Variants in GPC5 observed in about 807,000 individuals in gnomAD.
GPC5 encodes glypican-5.
GPC5 carries 47 observed loss-of-function variants against 53.9 expected under a neutral mutation model. That is an observed-to-expected ratio of 0.87 (90% CI 0.69 to 1.11). The LOEUF (loss-of-function observed/expected upper bound fraction) is 1.11. GPC5 is among the 50% of genes most tolerant of loss of function. The pLI is 0.00. For synonymous variants in GPC5, 286 were observed against 263.3 expected, an observed-to-expected ratio of 1.09 and a Z score of -0.84; for missense variants, 748 against 713.1, an observed-to-expected ratio of 1.05 and a Z score of -0.56.
chr13:92,601,564 A>G (rs1011480690), intron 7 of GPC5, among the ~76,000 whole-genome samples: 18 of 150,908 alleles, frequency 1.2e-4, no homozygotes, highest in African/African-American at 3.6e-4. Flanking sequence ...CAAAAAAAAA[A>G]AAAAAAAAAA....
intron 7 of GPC5, among the ~76,000 whole-genome samples, chr13:92,644,435 A>C (rs1404505117): frequency 1.3e-5 from 2 of 152,178 alleles, no homozygotes; most frequent in African/African-American, 4.8e-5. Flanking sequence ...TGTCACAATC[A>C]CAAGACTGAA....
At chr13:91,906,062 C>G (rs1341442459) in intron 5 of GPC5, among the ~76,000 whole-genome samples, 1 of 151,968 alleles carries the variant, frequency 6.6e-6, no homozygotes, top group Non-Finnish European at 1.5e-5. Context: ...TGTTCTGAGT[C>G]TCCAGAGTTC....
chr13:91,847,355 TTG>T (rs150598612), intron 5 of GPC5, among the ~76,000 whole-genome samples: 27 of 150,070 alleles, frequency 1.8e-4, no homozygotes, highest in Admixed American at 2.7e-4. Context: ...TTTATTATAA[TTG>T]TGTGTGTGTG....
intron 7 of GPC5, among the ~76,000 whole-genome samples, chr13:92,338,152 C>T (rs74107215): frequency 0.028 from 4,320 of 151,988 alleles, 215 homozygotes; most frequent in African/African-American, 0.099. Flanking sequence ...TGGCCAAAGA[C>T]CTCAAAGGAC....
intron 5 of GPC5, among the ~76,000 whole-genome samples, chr13:91,836,564 CAT>C (rs2038725012): frequency 6.6e-6 from 1 of 151,976 alleles, no homozygotes; most frequent in Admixed American, 6.6e-5. Context: ...TTGATAAAAT[CAT>C]GAGTGCTCAT....
chr13:91,497,877 G>A (rs1473456692), intron 2 of GPC5, among the ~76,000 whole-genome samples: 1 of 152,126 alleles, frequency 6.6e-6, no homozygotes, highest in Non-Finnish European at 1.5e-5. Context: ...GGCATGCAAG[G>A]TGTGATAATC....
intron 6 of GPC5, among the ~76,000 whole-genome samples, chr13:91,983,447 A>C (rs985959473): frequency 2.0e-5 from 3 of 152,104 alleles, no homozygotes; most frequent in African/African-American, 7.2e-5. Flanking sequence ...TAGAAAGCAG[A>C]GGCTGATGCT....
intron 7 of GPC5, among the ~76,000 whole-genome samples, chr13:92,404,480 C>A (rs975285240): frequency 6.6e-6 from 1 of 152,164 alleles, no homozygotes; most frequent in African/African-American, 2.4e-5. Flanking sequence ...GATAATTGAA[C>A]TCTGTATCCA....
At chr13:91,479,216 A>T (rs547970295) in intron 2 of GPC5, among the ~76,000 whole-genome samples, 40 of 152,044 alleles carry the variant, frequency 2.6e-4, no homozygotes, top group Non-Finnish European at 4.9e-4. Flanking sequence ...CTCAGCCTTT[A>T]ATTAATATAT....
chr13:91,889,449 T>C (rs61966372), intron 5 of GPC5, among the ~76,000 whole-genome samples: 1,622 of 148,736 alleles, frequency 0.011, 12 homozygotes, highest in Non-Finnish European at 0.019. Flanking sequence ...ATTGTTTGCT[T>C]TGTTTTACTG....
At chr13:92,592,329 T>G (rs1388603805) in intron 7 of GPC5, among the ~76,000 whole-genome samples, 1 of 151,898 alleles carries the variant, frequency 6.6e-6, no homozygotes, top group Non-Finnish European at 1.5e-5. Context: ...GATGAACACC[T>G]GTATAGTGTA....
chr13:91,665,730 C>G (rs945659903), intron 2 of GPC5, among the ~76,000 whole-genome samples: 7 of 152,116 alleles, frequency 4.6e-5, no homozygotes, highest in Non-Finnish European at 7.3e-5. Flanking sequence ...TGGTCTCCAT[C>G]TCCTGACCTC....
chr13:91,531,602 C>G (rs1409151755), intron 2 of GPC5, among the ~76,000 whole-genome samples: 1 of 152,122 alleles, frequency 6.6e-6, no homozygotes, highest in African/African-American at 2.4e-5. Context: ...ATTAGGTATA[C>G]TAGAAAAAGG....
intron 6 of GPC5, among the ~76,000 whole-genome samples, chr13:91,982,541 G>C (rs9301766): frequency 0.084 from 12,780 of 152,014 alleles, 1,837 homozygotes; most frequent in African/African-American, 0.29. Flanking sequence ...TGCACAGTTA[G>C]CTGAAGAGCA....
intron 7 of GPC5, among the ~76,000 whole-genome samples, chr13:92,754,670 G>A (rs1257594188): frequency 1.3e-5 from 2 of 151,084 alleles, no homozygotes; most frequent in Non-Finnish European, 2.9e-5. Flanking sequence ...AAAAGGCAGG[G>A]GTTGCAATCC....
intron 7 of GPC5, among the ~76,000 whole-genome samples, chr13:92,743,489 A>G (rs1362012979): frequency 6.6e-6 from 1 of 152,162 alleles, no homozygotes; most frequent in African/African-American, 2.4e-5. Context: ...TTTTGGGCTG[A>G]GACGATGGGG....
At chr13:91,898,248 G>A (rs2039463652) in intron 5 of GPC5, among the ~76,000 whole-genome samples, 1 of 152,136 alleles carries the variant, frequency 6.6e-6, no homozygotes, top group Non-Finnish European at 1.5e-5. Context: ...ATTGTCCATT[G>A]TCTGTTGCTT....
At chr13:92,243,104 A>T (rs998551650) in intron 7 of GPC5, among the ~76,000 whole-genome samples, 1 of 152,182 alleles carries the variant, frequency 6.6e-6, no homozygotes, top group Non-Finnish European at 1.5e-5. Flanking sequence ...TTTGGAAATG[A>T]TCCTCGCTAC....
intron 5 of GPC5, among the ~76,000 whole-genome samples, chr13:91,759,381 T>C (rs1007679815): frequency 7.9e-5 from 12 of 152,142 alleles, no homozygotes; most frequent in African/African-American, 2.9e-4. Flanking sequence ...TTATAAGCAT[T>C]CCAATTATAC....
Sources: allele counts gnomAD v4.1 joint callset (sites outside exome capture counted in the v4.1 genomes callset), GRCh38; gene constraint gnomAD v4.1.1; transcripts MANE v1.5; gene names NCBI Gene and HGNC (gene_info 2026-07-23, HGNC 2026-07-21).